The following NNMT variants were observed in gnomAD, a reference collection of about 807,000 sequenced individuals.
NNMT encodes nicotinamide N-methyltransferase.
In NNMT, 10 loss-of-function variants were observed where a neutral mutation model predicts 11.7. That is an observed-to-expected ratio of 0.85 (90% CI 0.53 to 1.45). NNMT has a LOEUF of 1.45. NNMT is among the 40% of genes most tolerant of loss of function. NNMT has a pLI of 0.00. For missense variants in NNMT, 381 were observed against 319.4 expected (o/e 1.19, Z -1.47); for synonymous variants, 143 against 133.8 (o/e 1.07, Z -0.48).
At chr11:114,269,665 T>G (rs938022511) in intron 2 of NNMT, among the ~76,000 whole-genome samples, 9 of 152,168 alleles carry the variant, frequency 5.9e-5, no homozygotes, top group Admixed American at 5.2e-4. Context: ...TTTCTTCCCT[T>G]TCACAGCCAA....
intron 2 of NNMT, among the ~76,000 whole-genome samples, chr11:114,302,100 C>T (rs879925013): frequency 1.3e-5 from 2 of 152,088 alleles, no homozygotes; most frequent in African/African-American, 4.8e-5. Flanking sequence ...TTAATCCAGA[C>T]TGACAATTTC....
intron 1 of NNMT, among the ~76,000 whole-genome samples, chr11:114,259,053 T>A (rs1245215011): frequency 3.3e-5 from 5 of 152,234 alleles, no homozygotes; most frequent in Non-Finnish European, 5.9e-5. Context: ...GTCACCTGTT[T>A]CCTTAACTGT....
upstream of NNMT, among the ~76,000 whole-genome samples, chr11:114,294,500 A>C (rs1215077043): frequency 1.3e-5 from 2 of 150,690 alleles, no homozygotes; most frequent in African/African-American, 4.9e-5. Context: ...AAAAAGTTAG[A>C]AAGATTGAAT....
intron 2 of NNMT, among the ~76,000 whole-genome samples, chr11:114,304,486 G>A (rs1945470882): frequency 1.3e-5 from 2 of 152,284 alleles, no homozygotes; most frequent in South Asian, 4.1e-4. Flanking sequence ...GCTAGATCCT[G>A]TGGCTTTAAT....
intron 2 of NNMT, among the ~76,000 whole-genome samples, chr11:114,284,814 G>C (rs569168068): frequency 1.6e-5 from 2 of 125,648 alleles, no homozygotes; most frequent in East Asian, 5.1e-4. Flanking sequence ...CTGTCACCCA[G>C]GCTGGGGTGC....
chr11:114,262,429 C>T (rs1266667640), intron 1 of NNMT, among the ~76,000 whole-genome samples: 1 of 152,106 alleles, frequency 6.6e-6, no homozygotes, highest in Non-Finnish European at 1.5e-5. Context: ...TTGTTCAGCT[C>T]CCACTTATAA....
intron 2 of NNMT, among the ~76,000 whole-genome samples, chr11:114,269,054 AT>A (rs200424238): frequency 9.9e-5 from 15 of 151,962 alleles, no homozygotes; most frequent in African/African-American, 3.4e-4. Flanking sequence ...GTTTTCACAC[AT>A]TTTAAAAAAA....
chr11:114,307,672 C>T (rs2135282297), intron 2 of NNMT, among the ~76,000 whole-genome samples: 1 of 29,502 alleles, frequency 3.4e-5, no homozygotes, highest in Non-Finnish European at 1.4e-4. Context: ...CCTAGTCTGG[C>T]TCTGCCAACC....
Position 114,312,340 on chromosome 11 carries a change from G to A in NNMT, c.658G>A (p.Ala220Thr). 1 of 1,614,232 alleles carries A rather than the reference G, an allele frequency of 6.2e-7. No homozygotes were observed. The highest frequency in any genetic ancestry group is 8.5e-7 in the Non-Finnish European group (1 of 1,180,040). The change falls in exon 3 of 3, where the codon GCA (alanine) becomes ACA (threonine). Residue 220 changes from alanine (A) to threonine (T), a missense_variant. Coordinates refer to ENST00000299964, the MANE Select transcript of NNMT (RefSeq NM_006169.3). ...KFSSLPLGRE[A>T]VEAAVKEAGY... Reference sequence around the variant, plus strand: ...CTCCAGCCTCCCCCTGGGCCGGGAGGCAGTAGAGGCTGCTGTGAAAGAGGC... The same window carrying A: ...CTCCAGCCTCCCCCTGGGCCGGGAGACAGTAGAGGCTGCTGTGAAAGAGGC...
intron 2 of NNMT, among the ~76,000 whole-genome samples, chr11:114,307,940 A>G (rs189677702): frequency 6.6e-6 from 1 of 151,470 alleles, no homozygotes; most frequent in Admixed American, 6.6e-5. Context: ...CCTTCCTTGC[A>G]TTTGTCAGTT....
At chr11:114,291,215 C>T (rs1945331965) in intron 2 of NNMT, among the ~76,000 whole-genome samples, 1 of 152,176 alleles carries the variant, frequency 6.6e-6, no homozygotes, top group African/African-American at 2.4e-5. Flanking sequence ...TTAATACATT[C>T]CTTCATAGCT....
intron 1 of NNMT, among the ~76,000 whole-genome samples, chr11:114,262,615 A>G (rs17116773): frequency 0.027 from 4,077 of 152,234 alleles, 191 homozygotes; most frequent in African/African-American, 0.091. Flanking sequence ...AGGACAGGTC[A>G]TCTTTTCACT....
intron 2 of NNMT, among the ~76,000 whole-genome samples, chr11:114,290,428 A>G (rs1278663250): frequency 6.6e-6 from 1 of 152,152 alleles, no homozygotes; most frequent in African/African-American, 2.4e-5. Context: ...CACTTTGATT[A>G]TATTATTTTG....
At chr11:114,297,481 AT>A (rs34396568) in intron 1 of NNMT, 25 of 137,304 alleles carry the variant, frequency 1.8e-4, no homozygotes, top group Non-Finnish European at 1.8e-4. Flanking sequence ...AAAATATGGG[AT>A]TTTTTTTTTT....
intron 2 of NNMT, among the ~76,000 whole-genome samples, chr11:114,302,881 C>T (rs929830888): frequency 6.6e-6 from 1 of 152,122 alleles, no homozygotes; most frequent in Non-Finnish European, 1.5e-5. Context: ...ATAGAGCTCT[C>T]TAGCTCTCCT....
intron 2 of NNMT, among the ~76,000 whole-genome samples, chr11:114,287,151 GT>G (rs1365877487): frequency 1.3e-5 from 2 of 152,090 alleles, no homozygotes; most frequent in African/African-American, 2.4e-5. Context: ...ATTCTTGCTT[GT>G]CAGTTTCATG....
chr11:114,271,435 C>T (rs746968639), intron 2 of NNMT, among the ~76,000 whole-genome samples: 5 of 152,154 alleles, frequency 3.3e-5, no homozygotes, highest in African/African-American at 4.8e-5. Flanking sequence ...ATGTCTACTA[C>T]CTATTTGAAT....
chr11:114,262,234 C>T (rs975703111), intron 1 of NNMT, among the ~76,000 whole-genome samples: 4 of 152,070 alleles, frequency 2.6e-5, no homozygotes, highest in Admixed American at 2.0e-4. Flanking sequence ...GGTACATGTG[C>T]CGGATGTGCA....
chr11:114,284,625 G>A (rs780400158), intron 2 of NNMT, among the ~76,000 whole-genome samples: 12 of 151,842 alleles, frequency 7.9e-5, no homozygotes, highest in African/African-American at 1.2e-4. Context: ...CACCACACCC[G>A]ACTGATTTTT....
Sources: gnomAD v4.1 joint callset for allele counts (sites outside exome capture counted in the v4.1 genomes callset) on GRCh38, gnomAD v4.1.1 for gene constraint, MANE v1.5 for transcripts, NCBI Gene and HGNC (gene_info 2026-07-23, HGNC 2026-07-21) for gene names.